The following RPS6KA2 variants were observed in gnomAD, a reference collection of about 807,000 sequenced individuals.
RPS6KA2 encodes the protein ribosomal protein S6 kinase alpha-2.
In RPS6KA2, 42 loss-of-function variants were observed where a neutral mutation model predicts 91.8. The observed-to-expected ratio is 0.46, with a 90% CI of 0.36 to 0.59. The LOEUF (loss-of-function observed/expected upper bound fraction) is 0.59, where lower values mean the gene tolerates loss of function less well. Among genes scored for constraint, RPS6KA2 ranks in the 20% least tolerant of loss-of-function variants. The probability of loss-of-function intolerance (pLI) is 0.00; values close to 1 mark genes in which losing one functional copy is unlikely to be tolerated. For missense variants in RPS6KA2, 798 were observed against 978.5 expected (o/e 0.82, Z 2.46); for synonymous variants, 414 against 393.6 (o/e 1.05, Z -0.61).
At chr6:166,671,924 G>A (rs1269651513) in intron 2 of RPS6KA2, among the ~76,000 whole-genome samples, 1 of 152,164 alleles carries the variant, frequency 6.6e-6, no homozygotes, top group Non-Finnish European at 1.5e-5. Flanking sequence ...GAGGACAGCA[G>A]GGGATTAGGA....
chr6:166,759,000 G>A (rs1778097229), intron 2 of RPS6KA2, among the ~76,000 whole-genome samples: 1 of 152,180 alleles, frequency 6.6e-6, no homozygotes, highest in African/African-American at 2.4e-5. Context: ...GAGCACACAT[G>A]GCGTATGTTC....
At chr6:166,598,557 G>A (rs1210439216) in intron 1 of RPS6KA2, among the ~76,000 whole-genome samples, 1 of 152,226 alleles carries the variant, frequency 6.6e-6, no homozygotes, top group African/African-American at 2.4e-5. Context: ...TGAACTTGAA[G>A]ACATTTGGTG....
chr6:166,450,918 T>C (rs2072829), intron 13 of RPS6KA2, among the ~76,000 whole-genome samples, 185 bp downstream of exon 13: 65,325 of 151,502 alleles, frequency 0.43, 14,366 homozygotes, highest in Admixed American at 0.54. Context: ...CCATGGGGGA[T>C]AACCACGAGG....
chr6:166,566,843 G>T (rs917661944), intron 1 of RPS6KA2, among the ~76,000 whole-genome samples: 1 of 152,212 alleles, frequency 6.6e-6, no homozygotes, highest in African/African-American at 2.4e-5. Context: ...AGATCACACA[G>T]CCCACGCAAA....
chr6:166,480,136 G>T (rs775169162), intron 10 of RPS6KA2, among the ~76,000 whole-genome samples: 10 of 152,048 alleles, frequency 6.6e-5, no homozygotes, highest in Non-Finnish European at 1.3e-4. Flanking sequence ...GATTTTTCAG[G>T]TTGACTTATG....
At chr6:166,608,586 T>C (rs922623426) in intron 1 of RPS6KA2, among the ~76,000 whole-genome samples, 6 of 152,168 alleles carry the variant, frequency 3.9e-5, no homozygotes, top group Non-Finnish European at 8.8e-5. Flanking sequence ...AAGTTGATTA[T>C]TGTTTAAGTC....
chr6:166,625,322 CA>C (rs879280795), intron 1 of RPS6KA2, among the ~76,000 whole-genome samples: 2,939 of 48,938 alleles, frequency 0.06, 4 homozygotes, highest in African/African-American at 0.12. Flanking sequence ...CTATTCCCAC[CA>C]CCCCCCCACC....
Position 166,635,970 on chromosome 6 carries a change from A to T in RPS6KA2, c.124-97186T>A, listed in dbSNP as rs558748808. On this transcript the variant is annotated intron_variant, in intron 2 of 21. Transcript: ENST00000503859. The surrounding 1 kb of genome is among the most constrained non-coding windows in gnomAD (Gnocchi z 4.8). ...TGGCCGCCCATGGCCATTCCACATA[A>T]ATCCAAATCCAATCATCCACTTCTC... Among the ~76,000 whole-genome samples, 3 of 152,216 alleles carry T rather than the reference A, an allele frequency of 2.0e-5. No individual in the cohort carries two copies. In the South Asian group the frequency reaches 6.2e-4, roughly 32 times the overall value.
upstream of RPS6KA2, chr6:166,627,328 C>T (rs1278017720): frequency 3.1e-6 from 2 of 643,658 alleles, no homozygotes; most frequent in Non-Finnish European, 3.9e-6. Context: ...GCTCCGCGCC[C>T]CGGCACGCAC....
chr6:166,744,647 G>A (rs940378313), intron 2 of RPS6KA2, among the ~76,000 whole-genome samples: 1 of 152,182 alleles, frequency 6.6e-6, no homozygotes, highest in Admixed American at 6.5e-5. Flanking sequence ...GTCCTCCCGC[G>A]CTGCCCCTTC....
At chr6:166,617,049 G>A (rs1016136318) in intron 1 of RPS6KA2, among the ~76,000 whole-genome samples, 14 of 152,224 alleles carry the variant, frequency 9.2e-5, no homozygotes, top group East Asian at 1.9e-4. Flanking sequence ...GGTGCCGGGC[G>A]CCCGCTCCAT....
At chr6:166,830,523 A>G (rs967380380) in intron 2 of RPS6KA2, among the ~76,000 whole-genome samples, 10 of 152,216 alleles carry the variant, frequency 6.6e-5, no homozygotes, top group Non-Finnish European at 4.4e-5. Context: ...ATATTTTTAT[A>G]ATTTCTTTTT....
At chr6:166,594,045 A>T (rs1785447072) in intron 1 of RPS6KA2, among the ~76,000 whole-genome samples, 2 of 152,224 alleles carry the variant, frequency 1.3e-5, no homozygotes. Context: ...CGTTCATCAT[A>T]GGGGTTTTAG....
At chr6:166,851,528 C>A (rs1454138645) in intron 2 of RPS6KA2, among the ~76,000 whole-genome samples, 1 of 152,160 alleles carries the variant, frequency 6.6e-6, no homozygotes, top group Admixed American at 6.5e-5. Context: ...ACAAGGAAGC[C>A]CCCACAGGCC....
chr6:166,704,773 A>G (rs1789629482), intron 2 of RPS6KA2, among the ~76,000 whole-genome samples: 1 of 152,210 alleles, frequency 6.6e-6, no homozygotes. Context: ...TCCTGTCTGC[A>G]TTCTGGGCTC....
intron 2 of RPS6KA2, among the ~76,000 whole-genome samples, chr6:166,837,227 C>T (rs896502710): frequency 3.3e-5 from 5 of 152,140 alleles, no homozygotes; most frequent in Admixed American, 2.0e-4. Flanking sequence ...TGGGAGGGCG[C>T]CCTGCCCACC....
chr6:166,413,418 C>T (rs1317483033), intron 20 of RPS6KA2, among the ~76,000 whole-genome samples: 1 of 152,152 alleles, frequency 6.6e-6, no homozygotes, highest in East Asian at 1.9e-4. Context: ...GTGGGACAGT[C>T]TACACTTTTC....
At chr6:166,553,899 A>G (rs950240727) in intron 1 of RPS6KA2, among the ~76,000 whole-genome samples, 1 of 152,206 alleles carries the variant, frequency 6.6e-6, no homozygotes, top group Admixed American at 6.5e-5. Flanking sequence ...CGAGATTTGC[A>G]TCCGTATTCT....
At chr6:166,855,447 AGAGGAAGAAGAAGAGGAAGAG>A (rs1408052640) in intron 2 of RPS6KA2, among the ~76,000 whole-genome samples, 1 of 126,152 alleles carries the variant, frequency 7.9e-6, no homozygotes, top group South Asian at 2.4e-4. Context: ...AGGAAGAAGA[AGAGGAAGAAGAAGAGGAAGAG>A]GAAGAGGAAG....
Sources: gnomAD v4.1 joint callset for allele counts (sites outside exome capture counted in the v4.1 genomes callset) on GRCh38, gnomAD v4.1.1 for gene constraint, Gnocchi (gnomAD v3.1) non-coding constraint, MANE v1.5 for transcripts, NCBI Gene and HGNC (gene_info 2026-07-23, HGNC 2026-07-21) for gene names.